KIF9: variants seen among roughly 807,000 people sequenced by gnomAD.
KIF9 encodes kinesin-like protein KIF9.
Under a neutral mutation model 94.8 loss-of-function variants are expected in KIF9, and 68 were observed. That is an observed-to-expected ratio of 0.72 (90% CI 0.59 to 0.88). The LOEUF is 0.88. KIF9 is among the 40% of genes least tolerant of loss of function. KIF9 has a pLI of 0.00. For missense variants in KIF9, 882 were observed against 982.5 expected, an observed-to-expected ratio of 0.90 and a Z score of 1.37; for synonymous variants, 343 against 362.1, an observed-to-expected ratio of 0.95 and a Z score of 0.60.
At chr3:47,268,106 A>G (rs1701404674) in intron 5 of KIF9, among the ~76,000 whole-genome samples, 1 of 152,104 alleles carries the variant, frequency 6.6e-6, no homozygotes, top group Admixed American at 6.6e-5. Context: ...TATGAGTTCA[A>G]GAGATCTGCC....
intron 20 of KIF9, 108 bp downstream of exon 20, chr3:47,235,405 T>C (rs1012771682): frequency 1.3e-6 from 1 of 796,554 alleles, no homozygotes; most frequent in Non-Finnish European, 2.1e-6. Context: ...ACTAATCTCC[T>C]TGGAATGGTG....
At chr3:47,263,553 C>G in intron 9 of KIF9, 1 of 232,752 alleles carries the variant, frequency 4.3e-6, no homozygotes, top group Non-Finnish European at 8.7e-6. Context: ...GATAGATGTT[C>G]CTGGTGTGGG....
At chr3:47,241,541 C>T (rs1291438266) in intron 16 of KIF9, among the ~76,000 whole-genome samples, 5 of 150,928 alleles carry the variant, frequency 3.3e-5, no homozygotes, top group South Asian at 2.1e-4. Context: ...AGGCTGGTCT[C>T]GAACTCCCGA....
chr3:47,248,277 G>A lies in KIF9; in HGVS notation c.1060-191C>T, dbSNP rs957865175. ...GGTGACTCTTCCCTAACTGGGGTGAGTTTAGGGTCTGGGAGGACCTGAACA... is the reference window on the plus strand; with the variant it reads ...GGTGACTCTTCCCTAACTGGGGTGAATTTAGGGTCTGGGAGGACCTGAACA... On this transcript the variant is annotated intron_variant, in intron 10 of 20. Coordinates refer to ENST00000684063, the MANE Select transcript of KIF9 (RefSeq NM_182902.4). 5.1e-6 allele frequency: 3 copies of A among 593,920 alleles called. No individual in the cohort carries two copies. In the African/African-American group the frequency reaches 5.6e-5, roughly 11 times the overall value. The allele number at this position is 593,920 out of a possible 1,614,324, so 36.8% of individuals were successfully genotyped here.
At chr3:47,235,451 G>C (rs941584980) in intron 20 of KIF9, 62 bp downstream of exon 20, 128 of 1,137,484 alleles carry the variant, frequency 1.1e-4, no homozygotes, top group Non-Finnish European at 1.7e-5. Context: ...TAGGGAATAT[G>C]ATCCTGGGTT....
At chr3:47,252,273 A>G (rs1700318206) in intron 10 of KIF9, among the ~76,000 whole-genome samples, 1 of 152,178 alleles carries the variant, frequency 6.6e-6, no homozygotes, top group South Asian at 2.1e-4. Flanking sequence ...AACAATGCAG[A>G]TCTTAGAACA....
chr3:47,274,213 T>C (rs543010152), intron 3 of KIF9, among the ~76,000 whole-genome samples: 6 of 152,330 alleles, frequency 3.9e-5, no homozygotes, highest in African/African-American at 1.4e-4. Context: ...GTTGGTTCCA[T>C]GTCACTTCCA....
chr3:47,239,760 G>A lies in KIF9; in HGVS notation c.1924+1041C>T. The stretch of plus-strand genomic sequence containing the variant: ...GTGCCACCACGCCCTGCTCCTCTGA[G>A]AAATAAATGAGTAAAATGCACCCCC... On this transcript the variant is annotated intron_variant, in intron 17 of 20. Coordinates refer to ENST00000684063, the MANE Select transcript of KIF9 (RefSeq NM_182902.4). 4.5e-6 allele frequency: 6 copies of A among 1,340,958 alleles called. No homozygotes were observed. In the South Asian group the frequency reaches 7.2e-5, roughly 16 times the overall value. The allele number at this position is 1,340,958 out of a possible 1,614,324, so 83.1% of individuals were successfully genotyped here. A position where few individuals can be genotyped will look rare whatever the true frequency, so the allele number is the denominator to read the frequency against.
At chr3:47,247,244 C>G (rs575033287) in intron 12 of KIF9, 129 bp downstream of exon 12, 1 of 642,538 alleles carries the variant, frequency 1.6e-6, no homozygotes, top group East Asian at 2.7e-5. Flanking sequence ...ATCAAGAGTC[C>G]AGCACCACCC....
chr3:47,241,003 T>C lies in KIF9; in HGVS notation c.1722A>G (p.Pro574=), dbSNP rs1428450897. 3 of 1,613,884 alleles carry C rather than the reference T, an allele frequency of 1.9e-6. No individual in the cohort carries two copies. Among genetic ancestry groups the C allele is most frequent in the Non-Finnish European group, 2.5e-6 (3 of 1,179,982 alleles). Residue 574 remains proline (P), a synonymous_variant, in exon 17 of 21, where the codon CCA becomes CCG. Coordinates refer to ENST00000684063, the MANE Select transcript of KIF9 (RefSeq NM_182902.4). ...CCTCAAAGGCCACTGGTTTGGAGGG[T>C]GGGGTGTCGGGCCTTGAGATGAAAA... The part of the protein sequence containing the change: ...EELRPIRPDT[P]PSKPVAFEEF...
chr3:47,266,910 C>T (rs1701321246), intron 7 of KIF9, 66 bp downstream of exon 7: 2 of 1,129,656 alleles, frequency 1.8e-6, no homozygotes, highest in Middle Eastern at 2.8e-4. Flanking sequence ...CCCAGATGTG[C>T]AGGCACTGTG....
chr3:47,280,765 A>G (rs1324523184), intron 1 of KIF9, among the ~76,000 whole-genome samples: 1 of 152,142 alleles, frequency 6.6e-6, no homozygotes, highest in Admixed American at 6.6e-5. Context: ...CAACATGCAC[A>G]TGCACACGCA....
intron 17 of KIF9, among the ~76,000 whole-genome samples, chr3:47,240,537 C>T (rs1422055593): frequency 1.3e-5 from 2 of 152,134 alleles, no homozygotes; most frequent in African/African-American, 4.8e-5. Flanking sequence ...GACAGTAGCA[C>T]ATATGGGGTG....
intron 15 of KIF9, 88 bp downstream of exon 15, chr3:47,244,702 CA>C (rs777988445): frequency 6.1e-5 from 91 of 1,498,460 alleles, no homozygotes; most frequent in Non-Finnish European, 8.2e-5. Flanking sequence ...GCTGAGACAC[CA>C]GGGGGAAAGT....
chr3:47,229,975 C>T (rs1245631053), intron 20 of KIF9, among the ~76,000 whole-genome samples: 1 of 152,118 alleles, frequency 6.6e-6, no homozygotes, highest in East Asian at 1.9e-4. Context: ...CTTAAGTGAT[C>T]CACCCACCTC....
In KIF9 at chr3:47,264,269, T is replaced by C. The variant is rs747279648; in HGVS notation, c.981+17A>G. On this transcript the variant is annotated intron_variant, in intron 9 of 20. Transcript: ENST00000684063. Reference sequence around the variant, plus strand: ...AAGGGGGATTCCAGCCTGGTTTCACTGACTGTCTTTACATACCGTTTCTTC... The same window carrying C: ...AAGGGGGATTCCAGCCTGGTTTCACCGACTGTCTTTACATACCGTTTCTTC... The C allele has an allele frequency of 4.4e-6, 7 of 1,603,650 alleles. 1 individual carries two copies. In the South Asian group the frequency reaches 6.6e-5, roughly 15 times the overall value.
intron 5 of KIF9, 23 bp downstream of exon 5, chr3:47,271,214 A>G: frequency 6.5e-7 from 1 of 1,533,860 alleles, no homozygotes; most frequent in Non-Finnish European, 9.0e-7. Flanking sequence ...AAGGAAAGGA[A>G]CCCTCAGGTT....
chr3:47,265,710 C>A lies in KIF9; in HGVS notation c.916+20G>T. The A allele has an allele frequency of 1.9e-6, 3 of 1,611,862 alleles. No individual in the cohort carries two copies. The highest frequency in any genetic ancestry group is 2.5e-6 in the Non-Finnish European group (3 of 1,178,290). On this transcript the variant is annotated intron_variant, in intron 8 of 20. Coordinates refer to ENST00000684063, the MANE Select transcript of KIF9 (RefSeq NM_182902.4). ...AAAGACACAGACCCTCCTCCCTGGG[C>A]AGCAACTGTACCCCCTCACCTAACG...
chr3:47,254,649 A>G (rs1700462365), intron 10 of KIF9, among the ~76,000 whole-genome samples: 1 of 152,138 alleles, frequency 6.6e-6, no homozygotes, highest in African/African-American at 2.4e-5. Context: ...TGCTAAGGCT[A>G]TATACAGCTA....
Sources: gnomAD v4.1 joint callset for allele counts (sites outside exome capture counted in the v4.1 genomes callset) on GRCh38, gnomAD v4.1.1 for gene constraint, MANE v1.5 for transcripts, NCBI Gene and HGNC (gene_info 2026-07-23, HGNC 2026-07-21) for gene names.